The following RBL2 variants were observed in gnomAD, a reference collection of about 807,000 sequenced individuals.
RBL2 encodes the protein retinoblastoma-like protein 2.
In RBL2, 56 loss-of-function variants were observed where a neutral mutation model predicts 126.0. The observed-to-expected ratio is 0.44, with a 90% CI of 0.36 to 0.56. The LOEUF (loss-of-function observed/expected upper bound fraction) is 0.56, where lower values mean the gene tolerates loss of function less well. RBL2 is among the 20% of genes least tolerant of loss of function. RBL2 has a pLI of 0.00. For synonymous variants in RBL2, 454 were observed against 478.5 expected (o/e 0.95, Z 0.67); for missense variants, 1,229 against 1,398.2 (o/e 0.88, Z 1.93).
intron 21 of RBL2, 124 bp downstream of exon 21, chr16:53,481,959 C>CA: frequency 8.4e-7 from 1 of 1,184,192 alleles, no homozygotes; most frequent in Non-Finnish European, 1.2e-6. Flanking sequence ...AGTGATCAGT[C>CA]AGTCCTCATG....
chr16:53,440,300 TA>T (rs1160429314), intron 2 of RBL2, among the ~76,000 whole-genome samples: 5 of 152,010 alleles, frequency 3.3e-5, no homozygotes, highest in African/African-American at 1.2e-4. Context: ...AACAAATAAA[TA>T]AAATAAAATA....
chr16:53,464,491 TTGTGG>T, intron 12 of RBL2, 128 bp downstream of exon 12: 1 of 752,600 alleles, frequency 1.3e-6, no homozygotes, highest in Non-Finnish European at 2.0e-6. Flanking sequence ...TAATCTCTAT[TTGTGG>T]AGTAGAAAAG....
chr16:53,482,134 T>C (rs536733156), intron 21 of RBL2, among the ~76,000 whole-genome samples: 1 of 152,318 alleles, frequency 6.6e-6, no homozygotes, highest in East Asian at 1.9e-4. Flanking sequence ...TTTGTAACAA[T>C]TTTCCACATT....
At position 53,453,443 on chromosome 16, in the gene RBL2, A is replaced by G; in HGVS notation, c.767-9A>G. On this transcript the variant is annotated splice_polypyrimidine_tract_variant and intron_variant, in intron 5 of 21. Coordinates refer to ENST00000262133, the MANE Select transcript of RBL2 (RefSeq NM_005611.4). ...TGATATCTCTGTTTTGTGATTCTAT[A>G]CACCATAGGCTTATCTGAAGATTTT... 6.2e-7 allele frequency: 1 copy of G among 1,603,990 alleles called. No individual in the cohort carries two copies. Among genetic ancestry groups the G allele is most frequent in the East Asian group, 2.2e-5 (1 of 44,604 alleles).
In RBL2 at chr16:53,434,698, C is replaced by T. The variant is rs751668106; in HGVS notation, c.142C>T (p.Arg48Trp). 7.8e-5 allele frequency: 122 copies of T among 1,569,594 alleles called. No homozygotes were observed. The highest frequency in any genetic ancestry group is 1.7e-4 in the Middle Eastern group (1 of 5,784). Residue 48 changes from arginine to tryptophan, a missense_variant, in exon 1 of 22, where the codon CGG (arginine) becomes TGG (tryptophan). Transcript: ENST00000262133. ...GTCGCCCACCCCTCAGATCCAGCAG[C>T]GGTTCGACGAGCTGTGCAGCCGCCT... is the stretch of plus-strand genomic sequence containing the variant. ...AESPTPQIQQ[R>W]FDELCSRLNM...
chr16:53,456,306 A>G (rs188685637), intron 8 of RBL2, among the ~76,000 whole-genome samples: 1 of 152,330 alleles, frequency 6.6e-6, no homozygotes, highest in Non-Finnish European at 1.5e-5. Flanking sequence ...AAAGCCATTA[A>G]GAGGGTTATT....
intron 8 of RBL2, among the ~76,000 whole-genome samples, chr16:53,457,804 T>C (rs1449281453): frequency 1.3e-5 from 2 of 152,370 alleles, no homozygotes; most frequent in East Asian, 1.9e-4. Flanking sequence ...AAGCACCATG[T>C]TGACCTTGAG....
chr16:53,444,324 G>A (rs544650723), intron 3 of RBL2, among the ~76,000 whole-genome samples: 23 of 146,662 alleles, frequency 1.6e-4, no homozygotes, highest in African/African-American at 4.3e-4. Flanking sequence ...AGGCCAAGGC[G>A]GGTGGATCAC....
At chr16:53,445,849 TA>T (rs2058057352) in intron 3 of RBL2, 1 of 152,204 alleles carries the variant, frequency 6.6e-6, no homozygotes, top group African/African-American at 2.4e-5. Context: ...TGCAGTGTGT[TA>T]TAAAAGTCCC....
At chr16:53,446,147 A>C (rs373328663) in intron 3 of RBL2, among the ~76,000 whole-genome samples, 1 of 152,344 alleles carries the variant, frequency 6.6e-6, no homozygotes, top group East Asian at 1.9e-4. Context: ...TTAAGCTAAA[A>C]AAAATTGAAT....
chr16:53,470,591 G>A lies in RBL2; in HGVS notation c.2454G>A (p.Lys818=), dbSNP rs368518518. The A allele has an allele frequency of 3.7e-6, 6 of 1,614,104 alleles. No homozygotes were observed. The East Asian group carries it at 1.1e-4, about 30-fold the overall frequency. The change falls in exon 16 of 22, where the codon AAG becomes AAA. Residue 818 remains lysine, a synonymous_variant. Transcript: ENST00000262133. ...QQISPGGQQQ[K]QGQSVTSSSN... ...TTTCCCCAGGTGGCCAACAGCAGAA[G>A]CAAGGCCAGTCTGTAACCAGCAGTA...
intron 11 of RBL2, among the ~76,000 whole-genome samples, chr16:53,462,945 A>G (rs1036912043): frequency 3.3e-5 from 5 of 152,098 alleles, no homozygotes; most frequent in African/African-American, 7.2e-5. Context: ...GGTTCAAGCA[A>G]TTCTCCTGCC....
At chr16:53,447,019 C>CTTT (rs201059354) in intron 3 of RBL2, 23 bp from the exon 4 acceptor site, 6 of 1,334,752 alleles carry the variant, frequency 4.5e-6, no homozygotes, top group South Asian at 1.6e-5. Context: ...TGTCTCATGA[C>CTTT]TTTTTTTTTT....
intron 8 of RBL2, among the ~76,000 whole-genome samples, chr16:53,457,685 G>A (rs1240677455): frequency 6.6e-6 from 1 of 152,160 alleles, no homozygotes; most frequent in Non-Finnish European, 1.5e-5. Flanking sequence ...ATTTGGAGAT[G>A]GAACATCCTA....
intron 21 of RBL2, among the ~76,000 whole-genome samples, chr16:53,482,457 A>G (rs1048723260): frequency 1.1e-4 from 16 of 152,186 alleles, no homozygotes; most frequent in African/African-American, 2.9e-4. Context: ...GCATCATGCT[A>G]TGTTAGCGAG....
At chr16:53,471,883 C>G (rs1960537134) in intron 17 of RBL2, among the ~76,000 whole-genome samples, 1 of 152,184 alleles carries the variant, frequency 6.6e-6, no homozygotes, top group South Asian at 2.1e-4. Context: ...ATTTCCGTAC[C>G]TGCAAAGTAA....
Position 53,464,218 on chromosome 16 carries a change from T to C in RBL2, c.1561-8T>C, listed in dbSNP as rs749116589. The C allele has an allele frequency of 1.3e-6, 2 of 1,544,436 alleles. No homozygotes were observed. The highest frequency in any genetic ancestry group is 4.2e-5 in the Admixed American group (2 of 47,580). On this transcript the variant is annotated splice_polypyrimidine_tract_variant and splice_region_variant and intron_variant, in intron 11 of 21. Coordinates refer to ENST00000262133, the MANE Select transcript of RBL2 (RefSeq NM_005611.4). Reference sequence around the variant, plus strand: ...AATGTTTCTAATGCTAATAACTTTATTTTATAGGGTATTCTGGAACAAGAT... The same window carrying C: ...AATGTTTCTAATGCTAATAACTTTACTTTATAGGGTATTCTGGAACAAGAT...
chr16:53,437,022 C>T (rs566329241), intron 1 of RBL2, among the ~76,000 whole-genome samples: 10 of 152,020 alleles, frequency 6.6e-5, no homozygotes, highest in African/African-American at 2.2e-4. Context: ...TTTTTAGGAA[C>T]GATATAGTTG....
At chr16:53,482,071 T>A (rs180680696) in intron 21 of RBL2, among the ~76,000 whole-genome samples, 33 of 152,292 alleles carry the variant, frequency 2.2e-4, no homozygotes, top group African/African-American at 7.7e-4. Context: ...TTCTTTTTAT[T>A]CCCTCTCCTA....
Sources: allele counts gnomAD v4.1 joint callset (sites outside exome capture counted in the v4.1 genomes callset), GRCh38; gene constraint gnomAD v4.1.1; transcripts MANE v1.5; gene names NCBI Gene and HGNC (gene_info 2026-07-23, HGNC 2026-07-21).